SHOX: variants seen among roughly 807,000 people sequenced by gnomAD.
The protein encoded by SHOX is SHOX homeobox, also known as short stature homeobox protein.
In SHOX, 12 loss-of-function variants were observed where a neutral mutation model predicts 29.6. That is an observed-to-expected ratio of 0.41 (90% CI 0.26 to 0.66). The LOEUF (loss-of-function observed/expected upper bound fraction) is 0.66, where lower values mean the gene tolerates loss of function less well. Ranked by LOEUF, SHOX falls within the 30% of genes least tolerant of loss-of-function variation. SHOX has a pLI of 0.35. For missense variants in SHOX, 499 were observed against 437.7 expected, an observed-to-expected ratio of 1.14 and a Z score of -1.25; for synonymous variants, 214 against 200.6, an observed-to-expected ratio of 1.07 and a Z score of -0.57.
At chrX:629,317 A>C (rs1421079653), upstream of SHOX, among the ~76,000 whole-genome samples, 127 of 72,052 alleles carry the variant, frequency 1.8e-3, no homozygotes, top group African/African-American at 2.2e-3. Flanking sequence ...CTCTGTCTCC[A>C]TCTCTCTCTG....
intron 2 of SHOX, among the ~76,000 whole-genome samples, chrX:640,204 G>T (rs1213145026): frequency 2.6e-5 from 4 of 151,536 alleles, no homozygotes; most frequent in Admixed American, 2.0e-4. Flanking sequence ...CGTTAGCTAG[G>T]TGTGGTGGTG....
chrX:655,598 CTCTCTCTCTCTCTCTCTA>C (rs1159154507), downstream of SHOX, among the ~76,000 whole-genome samples: 42 of 65,374 alleles, frequency 6.4e-4, no homozygotes, highest in East Asian at 1.0e-3. Context: ...CTCTCTCTCT[CTCTCTCTCTCTCTCTCTA>C]TATATATATA....
rs757845999 is a variant in SHOX at position 644,479 on chromosome X, T to TC, written c.728dup (p.Pro244AlafsTer147). On this transcript the variant is annotated frameshift_variant, in exon 5 of 5. Coordinates refer to ENST00000686671, the MANE Select transcript of SHOX (RefSeq NM_000451.4). LOFTEE classifies it high-confidence loss of function. ...GCGGCGCACGCGCCCTACCTGATGT[T>TC]CCCCCCGCCGCCCTTCGGGCTGCCC... 3 of 1,522,318 alleles carry TC rather than the reference T, an allele frequency of 2.0e-6. No homozygotes were observed. Among genetic ancestry groups the TC allele is most frequent in the Non-Finnish European group, 8.8e-7 (1 of 1,142,332 alleles). 94.3% of individuals were successfully genotyped at this position (1,522,318 alleles called of 1,614,324 possible).
intron 5 of SHOX, among the ~76,000 whole-genome samples, chrX:657,999 G>C (rs1272960447): frequency 2.0e-5 from 3 of 151,970 alleles, no homozygotes; most frequent in Admixed American, 6.6e-5. Context: ...TTTTGAGACA[G>C]AGTCTCACTC....
At chrX:656,593 G>A (rs759984036) in intron 5 of SHOX, among the ~76,000 whole-genome samples, 4 of 152,278 alleles carry the variant, frequency 2.6e-5, no homozygotes, top group Middle Eastern at 3.4e-3. Flanking sequence ...TGTGATCCCA[G>A]CATTTTGGGA....
chrX:644,823 C>G lies in SHOX; in HGVS notation c.*187C>G. On this transcript the variant is annotated 3_prime_UTR_variant, in exon 5 of 5. Transcript: ENST00000686671. ...ACCGTCCACGCACGACCCAGCCAGA[C>G]CCTCGCGGAGATGGTGCAGAAGGCG... 1.3e-6 allele frequency: 1 copy of G among 757,858 alleles called. No homozygotes were observed. Among genetic ancestry groups the G allele is most frequent in the Middle Eastern group, 4.0e-4 (1 of 2,472 alleles). The allele number at this position is 757,858 out of a possible 1,614,324, so 46.9% of individuals were successfully genotyped here.
rs146969410 is a variant in SHOX at position 649,959 on chromosome X, A to C, written c.*5323A>C. 2.5e-3 allele frequency: 1,151 copies of C among 455,940 alleles called. 12 individuals are homozygous for C. The highest frequency in any genetic ancestry group is 0.021 in the African/African-American group (1,072 of 50,144). 28.2% of individuals were successfully genotyped at this position (455,940 alleles called of 1,614,324 possible). On this transcript the variant is annotated 3_prime_UTR_variant, in exon 5 of 5. Coordinates refer to ENST00000686671, the MANE Select transcript of SHOX (RefSeq NM_000451.4). ...CTGCGAAGCACCCACAGGGAGAAGG[A>C]ATTGGATGTATCGGATGTTGCTATT...
Position 649,335 on chromosome X carries a change from G to T in SHOX, c.*4699G>T, listed in dbSNP as rs1311592296. 6.6e-6 allele frequency among the ~76,000 whole-genome samples: 1 copy of T among 152,156 alleles called. No homozygotes were observed. Among genetic ancestry groups the T allele is most frequent in the South Asian group, 2.1e-4 (1 of 4,814 alleles). On this transcript the variant is annotated 3_prime_UTR_variant, in exon 5 of 5. Transcript: ENST00000686671. The stretch of plus-strand genomic sequence containing the variant: ...ATTACGGGGTGAGGCACCGCGCCCG[G>T]CCTCCTCTCTCTTTTTCTGAGATGT...
At chrX:641,382 C>A (rs1400079920) in intron 4 of SHOX, among the ~76,000 whole-genome samples, 1 of 151,922 alleles carries the variant, frequency 6.6e-6, no homozygotes. Flanking sequence ...GCCAACTTAA[C>A]GAAACCCTGT....
At position 645,395 on chromosome X, in the gene SHOX, T is replaced by C. The variant is rs1201761316; in HGVS notation, c.*759T>C. 4.2e-4 allele frequency: 12 copies of C among 28,872 alleles called. No homozygotes were observed. Among genetic ancestry groups the C allele is most frequent in the African/African-American group, 1.4e-3 (8 of 5,540 alleles). 1.8% of individuals were successfully genotyped at this position (28,872 alleles called of 1,614,324 possible). Reference sequence around the variant, plus strand: ...TGGTTTTGTTTTGGATTGGTATTTTTTTTTTTTTTTTTTTTTTTTTTTTTT... The same window carrying C: ...TGGTTTTGTTTTGGATTGGTATTTTCTTTTTTTTTTTTTTTTTTTTTTTTT... On this transcript the variant is annotated 3_prime_UTR_variant, in exon 5 of 5. Transcript: ENST00000686671.
At chrX:644,284 G>A (rs1162875551) in intron 4 of SHOX, 107 bp from the exon 5 acceptor site, 3 of 1,324,152 alleles carry the variant, frequency 2.3e-6, no homozygotes, top group Admixed American at 3.3e-5. Flanking sequence ...AAGGGGCGAC[G>A]CTCCCTAGGG....
rs2053048326 is a variant in SHOX, at chrX:650,810, A to AAAAAAAAAAC, written c.*6175_*6184dup. Among the ~76,000 whole-genome samples, 1 of 150,096 alleles carries AAAAAAAAAAC rather than the reference A, an allele frequency of 6.7e-6. No individual in the cohort carries two copies. Among genetic ancestry groups the AAAAAAAAAAC allele is most frequent in the Non-Finnish European group, 1.5e-5 (1 of 67,396 alleles). ...TTGACATTAAAAAAAAAAAAAAAAA[A>AAAAAAAAAAC]AAAAAAAAACTGGTGCCTAATTTAT... On this transcript the variant is annotated 3_prime_UTR_variant, in exon 5 of 5. Coordinates refer to ENST00000686671, the MANE Select transcript of SHOX (RefSeq NM_000451.4).
At position 644,549 on chromosome X, in the gene SHOX, C is replaced by T; in HGVS notation, c.792C>T (p.Ala264=). The part of the protein sequence containing the change: ...AESASAAAVV[A]AAAKSNSKNS... ...CCGCCTCGGCCGCCGCCGTGGTCGC[C>T]GCCGCCGCCAAAAGCAACAGCAAGA... The change falls in exon 5 of 5, where the codon GCC becomes GCT. Residue 264 remains alanine, a synonymous_variant. Transcript: ENST00000686671. The T allele has an allele frequency of 6.6e-7, 1 of 1,517,952 alleles. No homozygotes were observed. The highest frequency in any genetic ancestry group is 8.8e-7 in the Non-Finnish European group (1 of 1,139,644). The allele number at this position is 1,517,952 out of a possible 1,614,324, so 94.0% of individuals were successfully genotyped here.
intron 2 of SHOX, among the ~76,000 whole-genome samples, chrX:635,051 A>G (rs750130795): frequency 1.3e-5 from 2 of 152,196 alleles, no homozygotes; most frequent in African/African-American, 4.8e-5. Context: ...ACAAATATAT[A>G]TACATATATA....
downstream of SHOX, among the ~76,000 whole-genome samples, chrX:655,574 C>CTG (rs2053127082): frequency 1.5e-3 from 107 of 70,028 alleles, no homozygotes; most frequent in African/African-American, 5.9e-3. Flanking sequence ...CTCTGTCTCT[C>CTG]TCTCTCTCTC....
intron 5 of SHOX, among the ~76,000 whole-genome samples, chrX:658,585 C>T (rs1205514362): frequency 6.6e-6 from 1 of 151,798 alleles, no homozygotes; most frequent in Non-Finnish European, 1.5e-5. Context: ...ATTCTCCTGC[C>T]TCAGCCTCCC....
upstream of SHOX, among the ~76,000 whole-genome samples, chrX:628,993 CTG>C (rs1287949271): frequency 5.8e-5 from 7 of 120,648 alleles, no homozygotes; most frequent in African/African-American, 6.4e-5. Flanking sequence ...CTGTCTCTCC[CTG>C]TGTGTTTCTC....
At chrX:632,845 T>G (rs748586331) in intron 1 of SHOX, among the ~76,000 whole-genome samples, 18 of 152,170 alleles carry the variant, frequency 1.2e-4, no homozygotes, top group Admixed American at 1.1e-3. Context: ...CTTGAGGGCC[T>G]GCGTGTAATT....
At chrX:654,678 T>G (rs2053113028), downstream of SHOX, among the ~76,000 whole-genome samples, 1 of 152,092 alleles carries the variant, frequency 6.6e-6, no homozygotes, top group Non-Finnish European at 1.5e-5. Context: ...AAGAGGATAC[T>G]TTGTTTTTGT....
Sources: allele counts gnomAD v4.1 joint callset (sites outside exome capture counted in the v4.1 genomes callset), GRCh38; gene constraint gnomAD v4.1.1; transcripts MANE v1.5; gene names NCBI Gene and HGNC (gene_info 2026-07-23, HGNC 2026-07-21).